WASF2: variants seen among roughly 807,000 people sequenced by gnomAD.
WASF2 encodes the protein WASP family member 2.
In WASF2, 14 loss-of-function variants were observed where a neutral mutation model predicts 45.0. The observed-to-expected ratio is 0.31, with a 90% CI of 0.21 to 0.49. The LOEUF (loss-of-function observed/expected upper bound fraction) is 0.49, where lower values mean the gene tolerates loss of function less well. Among genes scored for constraint, WASF2 ranks in the 20% least tolerant of loss-of-function variants. The pLI, the probability that WASF2 is intolerant of heterozygous loss-of-function variation, is 0.99. For synonymous variants in WASF2, 200 were observed against 236.3 expected (o/e 0.85, Z 1.41); for missense variants, 439 against 636.1 (o/e 0.69, Z 3.33).
chr1:27,463,636 A>C (rs1447719847), intron 1 of WASF2, among the ~76,000 whole-genome samples: 2 of 150,626 alleles, frequency 1.3e-5, no homozygotes, highest in Admixed American at 6.6e-5. Context: ...AAAAAAAAAA[A>C]AAAAAAAAAC....
At chr1:27,408,367 G>A in intron 8 of WASF2, 21 bp from the exon 9 acceptor site, 9 of 1,614,066 alleles carry the variant, frequency 5.6e-6, no homozygotes, top group Middle Eastern at 1.6e-4. Context: ...AGAGACAGAA[G>A]GGTGAGGAAG....
chr1:27,408,579 G>A (rs1459917884), intron 8 of WASF2, among the ~76,000 whole-genome samples: 1 of 152,214 alleles, frequency 6.6e-6, no homozygotes, highest in Non-Finnish European at 1.5e-5. Flanking sequence ...ACACTTTCAG[G>A]CTGGTGAGGA....
intron 1 of WASF2, among the ~76,000 whole-genome samples, chr1:27,454,700 A>AT (rs1201237150): frequency 1.3e-5 from 2 of 151,916 alleles, no homozygotes; most frequent in Non-Finnish European, 2.9e-5. Context: ...TCTTGACCTG[A>AT]TTTTTTTATT....
chr1:27,487,591 T>G (rs1249734420), intron 1 of WASF2, among the ~76,000 whole-genome samples: 42 of 93,766 alleles, frequency 4.5e-4, no homozygotes, highest in African/African-American at 2.0e-3. Context: ...TATATATATT[T>G]TATATAATAT....
chr1:27,464,503 A>G (rs532647237), intron 1 of WASF2, among the ~76,000 whole-genome samples: 1 of 152,226 alleles, frequency 6.6e-6, no homozygotes, highest in African/African-American at 2.4e-5. Flanking sequence ...ACTACTCCCA[A>G]TTTTAACTAC....
At chr1:27,412,768 C>T (rs751747515) in intron 6 of WASF2, 41 bp from the exon 7 acceptor site, 15 of 1,610,228 alleles carry the variant, frequency 9.3e-6, no homozygotes, top group African/African-American at 1.3e-5. Flanking sequence ...ATTTAAAGAG[C>T]CTGAGTGGGT....
chr1:27,448,047 C>A (rs949040639), intron 1 of WASF2, among the ~76,000 whole-genome samples: 2 of 152,180 alleles, frequency 1.3e-5, no homozygotes, highest in Admixed American at 6.5e-5. Flanking sequence ...AAGAATAAGA[C>A]TGGCTCACAC....
chr1:27,448,841 C>CA (rs11371995), intron 1 of WASF2, among the ~76,000 whole-genome samples: 14,922 of 66,680 alleles, frequency 0.22, 1,363 homozygotes, highest in East Asian at 0.47. Context: ...GACCTCATCT[C>CA]AAAAAAAAAA....
chr1:27,487,300 C>A (rs914093890), intron 1 of WASF2, among the ~76,000 whole-genome samples: 2 of 143,912 alleles, frequency 1.4e-5, no homozygotes, highest in Non-Finnish European at 3.0e-5. Flanking sequence ...GTAGTTTCAC[C>A]GTGTTAGCCA....
At chr1:27,416,671 G>C (rs879232700) in intron 4 of WASF2, among the ~76,000 whole-genome samples, 1 of 152,212 alleles carries the variant, frequency 6.6e-6, no homozygotes, top group Admixed American at 6.5e-5. Context: ...CTCCCTTCTA[G>C]AACAGCTCAG....
chr1:27,471,690 A>G (rs2017691207), intron 1 of WASF2, among the ~76,000 whole-genome samples: 1 of 152,228 alleles, frequency 6.6e-6, no homozygotes, highest in Admixed American at 6.5e-5. Flanking sequence ...AAGAGAAGCA[A>G]GGCCTGAGAC....
chr1:27,462,338 C>T (rs567942937), intron 1 of WASF2, among the ~76,000 whole-genome samples: 1 of 152,224 alleles, frequency 6.6e-6, no homozygotes, highest in African/African-American at 2.4e-5. Context: ...TCTCCAAATA[C>T]TTCAATGGGT....
At chr1:27,483,890 A>C (rs2017888361) in intron 1 of WASF2, among the ~76,000 whole-genome samples, 1 of 151,772 alleles carries the variant, frequency 6.6e-6, no homozygotes, top group Admixed American at 6.6e-5. Context: ...TAGGAGGTTG[A>C]GGCTGCAGTG....
At chr1:27,472,798 CA>C (rs200312302) in intron 1 of WASF2, among the ~76,000 whole-genome samples, 28,945 of 125,436 alleles carry the variant, frequency 0.23, 4,473 homozygotes, top group African/African-American at 0.46. Context: ...CCATCTTTAC[CA>C]AAAAAAAAAA....
intron 1 of WASF2, among the ~76,000 whole-genome samples, chr1:27,470,974 G>A (rs910323069): frequency 5.3e-5 from 8 of 152,164 alleles, no homozygotes; most frequent in African/African-American, 1.9e-4. Flanking sequence ...GGTCCAATAG[G>A]AATTCTGGTA....
chr1:27,444,797 A>C (rs1275981220), intron 1 of WASF2, among the ~76,000 whole-genome samples: 1 of 152,258 alleles, frequency 6.6e-6, no homozygotes, highest in African/African-American at 2.4e-5. Flanking sequence ...CACTTTAAGT[A>C]CTTTGAAGGC....
At chr1:27,411,420 A>T (rs1427106047) in intron 7 of WASF2, among the ~76,000 whole-genome samples, 1 of 152,152 alleles carries the variant, frequency 6.6e-6, no homozygotes, top group African/African-American at 2.4e-5. Flanking sequence ...CCTTTGTTTC[A>T]TTGTTTCTGG....
chr1:27,482,631 G>A (rs2017866900), intron 1 of WASF2, among the ~76,000 whole-genome samples: 2 of 152,130 alleles, frequency 1.3e-5, no homozygotes, highest in Middle Eastern at 3.2e-3. Flanking sequence ...AAATAATTCA[G>A]CTATCTGTCC....
At chr1:27,464,682 C>A (rs936671227) in intron 1 of WASF2, among the ~76,000 whole-genome samples, 12 of 152,076 alleles carry the variant, frequency 7.9e-5, no homozygotes, top group African/African-American at 2.7e-4. Flanking sequence ...GTAAAATGAA[C>A]AATCTTTACC....
Sources: allele counts gnomAD v4.1 joint callset (sites outside exome capture counted in the v4.1 genomes callset), GRCh38; gene constraint gnomAD v4.1.1; transcripts MANE v1.5; gene names NCBI Gene and HGNC (gene_info 2026-07-23, HGNC 2026-07-21).